RPN2: variants seen among roughly 807,000 people sequenced by gnomAD.
RPN2 encodes the protein dolichyl-diphosphooligosaccharide--protein glycosyltransferase subunit 2.
In RPN2, 29 loss-of-function variants were observed where a neutral mutation model predicts 71.4. The observed-to-expected ratio is 0.41, with a 90% CI of 0.30 to 0.55. The LOEUF is 0.55. RPN2 is among the 20% of genes least tolerant of loss of function. The pLI, the probability that RPN2 is intolerant of heterozygous loss-of-function variation, is 0.35. For synonymous variants in RPN2, 308 were observed against 305.0 expected (o/e 1.01, Z -0.10); for missense variants, 726 against 774.1 (o/e 0.94, Z 0.74).
At chr20:37,212,228 A>G (rs2067690899) in intron 8 of RPN2, among the ~76,000 whole-genome samples, 1 of 152,042 alleles carries the variant, frequency 6.6e-6, no homozygotes, top group African/African-American at 2.4e-5. Context: ...GTAGTGAGCC[A>G]TGATCATACC....
At chr20:37,201,121 G>A (rs2067378200) in intron 4 of RPN2, among the ~76,000 whole-genome samples, 1 of 150,842 alleles carries the variant, frequency 6.6e-6, no homozygotes, top group Non-Finnish European at 1.5e-5. Flanking sequence ...GAGATAATAG[G>A]TGTGAAGACC....
At chr20:37,183,274 G>A (rs1027514204) in intron 1 of RPN2, among the ~76,000 whole-genome samples, 2 of 151,894 alleles carry the variant, frequency 1.3e-5, no homozygotes, top group Non-Finnish European at 2.9e-5. Flanking sequence ...GGCAACAATG[G>A]CGCATTCTCA....
intron 8 of RPN2, 58 bp downstream of exon 8, chr20:37,210,223 T>C: frequency 1.2e-6 from 2 of 1,607,188 alleles, no homozygotes; most frequent in Non-Finnish European, 1.7e-6. Context: ...AAAGTTAGCC[T>C]GCAGCCAGTG....
chr20:37,189,877 A>G (rs188850651), intron 2 of RPN2, among the ~76,000 whole-genome samples: 37 of 152,348 alleles, frequency 2.4e-4, no homozygotes, highest in African/African-American at 3.4e-4. Flanking sequence ...AGTTCAGACA[A>G]TGCCTGGCAC....
intron 2 of RPN2, among the ~76,000 whole-genome samples, chr20:37,194,100 A>G (rs540501130): frequency 3.3e-5 from 5 of 152,292 alleles, no homozygotes; most frequent in African/African-American, 1.2e-4. Flanking sequence ...GCACTGGAAA[A>G]TGTCCTCTGC....
intron 2 of RPN2, among the ~76,000 whole-genome samples, chr20:37,193,880 A>C (rs2300153): frequency 0.77 from 116,816 of 151,898 alleles, 45,400 homozygotes; most frequent in Middle Eastern, 0.89. Context: ...GGATGAAGCC[A>C]TGGGCATGGA....
chr20:37,226,847 G>A (rs1008339322), intron 11 of RPN2, among the ~76,000 whole-genome samples: 32 of 152,082 alleles, frequency 2.1e-4, no homozygotes, highest in African/African-American at 7.2e-4. Flanking sequence ...TTAGTGTTAC[G>A]TGAAGGAAGA....
At chr20:37,197,637 C>T (rs901434158) in intron 2 of RPN2, among the ~76,000 whole-genome samples, 2 of 152,110 alleles carry the variant, frequency 1.3e-5, no homozygotes, top group African/African-American at 2.4e-5. Context: ...GACTGGGTCT[C>T]GCTCTGTCTC....
chr20:37,194,551 C>T (rs977819677), intron 2 of RPN2, among the ~76,000 whole-genome samples: 1 of 152,246 alleles, frequency 6.6e-6, no homozygotes, highest in African/African-American at 2.4e-5. Flanking sequence ...CGTGAGCCAT[C>T]ACGCCCAGCC....
At chr20:37,220,468 A>G (rs1474325123) in intron 9 of RPN2, among the ~76,000 whole-genome samples, 3 of 152,166 alleles carry the variant, frequency 2.0e-5, no homozygotes, top group Non-Finnish European at 4.4e-5. Flanking sequence ...CCCCTAATGC[A>G]CCATCATTTT....
chr20:37,230,680 A>G (rs1047991086), intron 13 of RPN2, among the ~76,000 whole-genome samples: 1 of 152,150 alleles, frequency 6.6e-6, no homozygotes, highest in Non-Finnish European at 1.5e-5. Context: ...GTACTTGGAA[A>G]CTTGCATACG....
intron 2 of RPN2, among the ~76,000 whole-genome samples, chr20:37,192,739 GAT>G (rs1039630429): frequency 6.6e-6 from 1 of 152,194 alleles, no homozygotes; most frequent in African/African-American, 2.4e-5. Context: ...ATGAAGGGGA[GAT>G]ATGTGCTGTT....
chr20:37,226,139 T>C (rs554840494), intron 11 of RPN2, among the ~76,000 whole-genome samples: 15 of 152,298 alleles, frequency 9.8e-5, no homozygotes, highest in Admixed American at 7.8e-4. Flanking sequence ...AGTGGTGTGA[T>C]CTCAGCTCAC....
intron 2 of RPN2, among the ~76,000 whole-genome samples, chr20:37,188,976 C>T (rs1225026501): frequency 4.0e-5 from 6 of 151,600 alleles, no homozygotes; most frequent in South Asian, 2.1e-4. Flanking sequence ...TACTGTCATC[C>T]GGGCTGGAGT....
chr20:37,198,017 T>G (rs1568969712), intron 2 of RPN2, among the ~76,000 whole-genome samples: 1 of 152,202 alleles, frequency 6.6e-6, no homozygotes, highest in Non-Finnish European at 1.5e-5. Flanking sequence ...TCAGGTTACT[T>G]GCCAATTTGG....
chr20:37,205,744 G>A (rs1181824950), intron 6 of RPN2, among the ~76,000 whole-genome samples: 1 of 152,174 alleles, frequency 6.6e-6, no homozygotes, highest in Non-Finnish European at 1.5e-5. Flanking sequence ...TGTCCTAAGT[G>A]TAGGAGGTCT....
chr20:37,223,814 C>T, intron 9 of RPN2, 64 bp from the exon 10 acceptor site: 6 of 1,332,232 alleles, frequency 4.5e-6, no homozygotes, highest in Non-Finnish European at 6.5e-6. Flanking sequence ...AACTTTATAT[C>T]TGCATGTGAA....
rs2068550815 is a variant in RPN2 at position 37,241,525 on chromosome 20, G to A, written c.*210G>A. ...AGATAGTCTCTTTCTCTGACACTGT[G>A]TAAGAAGCTGTGAATATTCCTAACT... On this transcript the variant is annotated 3_prime_UTR_variant, in exon 17 of 17. Transcript: ENST00000237530. 9.6e-6 allele frequency: 6 copies of A among 623,496 alleles called. No individual in the cohort carries two copies. The Admixed American group carries it at 1.8e-4, about 18-fold the overall frequency. 38.6% of individuals were successfully genotyped at this position (623,496 alleles called of 1,614,324 possible).
intron 7 of RPN2, among the ~76,000 whole-genome samples, chr20:37,208,139 G>A (rs1243979866): frequency 4.6e-5 from 7 of 151,970 alleles, no homozygotes; most frequent in South Asian, 4.2e-4. Flanking sequence ...GCCTGGTGGT[G>A]CGCACCTGTA....
Sources: gnomAD v4.1 joint callset for allele counts (sites outside exome capture counted in the v4.1 genomes callset) on GRCh38, gnomAD v4.1.1 for gene constraint, MANE v1.5 for transcripts, NCBI Gene and HGNC (gene_info 2026-07-23, HGNC 2026-07-21) for gene names.